SAP30BP: variants seen among roughly 807,000 people sequenced by gnomAD.
SAP30BP encodes the protein SAP30 binding protein.
Under a neutral mutation model 46.3 loss-of-function variants are expected in SAP30BP, and 31 were observed. The ratio of observed to expected loss-of-function variants is 0.67; its 90% CI spans 0.50 to 0.90. The LOEUF is 0.90. SAP30BP is among the 40% of genes least tolerant of loss of function. SAP30BP has a pLI of 0.00. For missense variants in SAP30BP, 312 were observed against 391.0 expected, an observed-to-expected ratio of 0.80 and a Z score of 1.70; for synonymous variants, 169 against 144.2, an observed-to-expected ratio of 1.17 and a Z score of -1.23.
At chr17:75,682,563 C>T (rs987908822) in intron 3 of SAP30BP, among the ~76,000 whole-genome samples, 1 of 152,114 alleles carries the variant, frequency 6.6e-6, no homozygotes, top group African/African-American at 2.4e-5. Flanking sequence ...GTTTTGCATC[C>T]AGCTTTGTCT....
intron 4 of SAP30BP, among the ~76,000 whole-genome samples, chr17:75,698,129 AG>A (rs1415186533): frequency 2.6e-5 from 4 of 152,370 alleles, no homozygotes; most frequent in Middle Eastern, 3.4e-3. Context: ...AGCGATCCAA[AG>A]CAGGACTGCA....
At position 75,699,876 on chromosome 17, in the gene SAP30BP, G is replaced by A. The variant is rs2060381089; in HGVS notation, c.396+5G>A. On this transcript the variant is annotated splice_donor_5th_base_variant and intron_variant, in intron 5 of 10. Transcript: ENST00000584667. ...AGATGTTCAAATCACTTGCAAGTAA[G>A]CATGAGACTCGGCTACTGAGGTCGG... is the stretch of plus-strand genomic sequence containing the variant. 2 of 1,606,868 alleles carry A rather than the reference G, an allele frequency of 1.2e-6. No homozygotes were observed. The highest frequency in any genetic ancestry group is 1.1e-5 in the South Asian group (1 of 90,844).
At chr17:75,672,624 A>G (rs2059923780) in intron 3 of SAP30BP, among the ~76,000 whole-genome samples, 1 of 151,822 alleles carries the variant, frequency 6.6e-6, no homozygotes, top group Non-Finnish European at 1.5e-5. Flanking sequence ...TAATTATATC[A>G]CTCTAGACCC....
At chr17:75,671,745 C>A (rs2059910714) in intron 2 of SAP30BP, 71 bp from the exon 3 acceptor site, 1 of 1,201,648 alleles carries the variant, frequency 8.3e-7, no homozygotes, top group African/African-American at 1.5e-5. Flanking sequence ...TGCTCCGGCC[C>A]CTAGTTATGC....
chr17:75,700,811 G>T (rs2060398004), intron 5 of SAP30BP, among the ~76,000 whole-genome samples: 1 of 152,240 alleles, frequency 6.6e-6, no homozygotes, highest in Non-Finnish European at 1.5e-5. Context: ...CAACCCGCCA[G>T]GCAGAGACAA....
chr17:75,668,650 G>C, intron 2 of SAP30BP, 25 bp downstream of exon 2: 1 of 1,413,820 alleles, frequency 7.1e-7, no homozygotes, highest in Non-Finnish European at 9.9e-7. Flanking sequence ...CAGATCCAGA[G>C]CTACTGAAAG....
chr17:75,689,705 T>C (rs1213255389), intron 3 of SAP30BP, among the ~76,000 whole-genome samples: 1 of 152,104 alleles, frequency 6.6e-6, no homozygotes, highest in African/African-American at 2.4e-5. Context: ...AGACAGGTGT[T>C]TCCTGTGCAT....
chr17:75,692,777 C>T (rs1367808153), intron 3 of SAP30BP: 2 of 152,634 alleles, frequency 1.3e-5, no homozygotes, highest in Non-Finnish European at 2.9e-5. Flanking sequence ...AGTATAAAGC[C>T]AGTGTAAAGG....
At chr17:75,668,705 C>A in intron 2 of SAP30BP, 80 bp downstream of exon 2, 1 of 911,902 alleles carries the variant, frequency 1.1e-6, no homozygotes, top group Non-Finnish European at 1.7e-6. Context: ...AACAGTGTTC[C>A]ATTTCATGGT....
At chr17:75,677,750 C>G (rs1002378915) in intron 3 of SAP30BP, among the ~76,000 whole-genome samples, 18 of 141,914 alleles carry the variant, frequency 1.3e-4, no homozygotes, top group African/African-American at 4.8e-4. Context: ...GGATTACACC[C>G]AGCCCTTTTT....
chr17:75,670,324 A>G (rs2059889939), intron 2 of SAP30BP, among the ~76,000 whole-genome samples: 1 of 152,150 alleles, frequency 6.6e-6, no homozygotes. Flanking sequence ...TCCATCTTAA[A>G]AAAAAAAAAA....
chr17:75,671,876 G>A lies in SAP30BP; in HGVS notation c.264+13G>A. The A allele has an allele frequency of 3.1e-6, 5 of 1,610,714 alleles. No individual in the cohort carries two copies. Among genetic ancestry groups the A allele is most frequent in the Non-Finnish European group, 3.4e-6 (4 of 1,176,920 alleles). On this transcript the variant is annotated intron_variant, in intron 3 of 10. Transcript: ENST00000584667. ...TGATGACCCAAAGGTATTTGGTGTT[G>A]GCTGTGGTGGGTGGCTGGATGCAAA...
In SAP30BP at chr17:75,707,907, G is replaced by T. The variant is rs754605979; in HGVS notation, c.*1386G>T. 2 of 152,240 alleles carry T rather than the reference G, an allele frequency of 1.3e-5. No homozygotes were observed. Among genetic ancestry groups the T allele is most frequent in the Non-Finnish European group, 2.9e-5 (2 of 68,058 alleles). 9.4% of individuals were successfully genotyped at this position (152,240 alleles called of 1,614,324 possible). On this transcript the variant is annotated 3_prime_UTR_variant, in exon 11 of 11. Coordinates refer to ENST00000584667, the MANE Select transcript of SAP30BP (RefSeq NM_013260.8). ...ACGTGGAGCCGGCACCTCTGGTCTG[G>T]ATTCCACTTAAAACCAGTTGAGTGG... is the stretch of plus-strand genomic sequence containing the variant.
chr17:75,675,212 G>T (rs923767663), intron 3 of SAP30BP, among the ~76,000 whole-genome samples: 1 of 152,086 alleles, frequency 6.6e-6, no homozygotes, highest in South Asian at 2.1e-4. Flanking sequence ...GTGCAATGGC[G>T]CAATCTCAGC....
Position 75,677,869 on chromosome 17 carries a change from G to GA in SAP30BP, c.264+6011dup, listed in dbSNP as rs199986516. ...TTGCTTGTGCAAAGGTCAACACGAT[G>GA]AAAAAGACAATGACTTAAAACGGTT... On this transcript the variant is annotated intron_variant, in intron 3 of 10. Transcript: ENST00000584667. Among the ~76,000 whole-genome samples, 43 of 150,526 alleles carry GA rather than the reference G, an allele frequency of 2.9e-4. No homozygotes were observed. In the East Asian group the frequency reaches 7.6e-3, roughly 27 times the overall value.
intron 2 of SAP30BP, among the ~76,000 whole-genome samples, chr17:75,669,579 C>T (rs1006423476): frequency 1.3e-5 from 2 of 151,946 alleles, no homozygotes; most frequent in South Asian, 4.1e-4. Flanking sequence ...TTTGTAGAGA[C>T]GTTGTTTCAC....
At chr17:75,678,923 C>T (rs1232276405) in intron 3 of SAP30BP, among the ~76,000 whole-genome samples, 5 of 151,970 alleles carry the variant, frequency 3.3e-5, no homozygotes, top group African/African-American at 4.8e-5. Context: ...TTGTGATCTC[C>T]GGCCACAAGT....
At chr17:75,690,729 G>A (rs1056555048) in intron 3 of SAP30BP, 1 of 456,734 alleles carries the variant, frequency 2.2e-6, no homozygotes, top group East Asian at 6.9e-5. Flanking sequence ...GGCCCAGCTT[G>A]TTGGACTCAG....
rs74896766 is a variant in SAP30BP, at chr17:75,670,609, A to G, written c.217-1207A>G. On this transcript the variant is annotated intron_variant, in intron 2 of 10. Transcript: ENST00000584667. ...TTTCATCATGTTTAAGCTTCATTTC[A>G]TATTTTAGTAAAATCCTCTCATCAG... Among the ~76,000 whole-genome samples the G allele has an allele frequency of 1.1e-3, 168 of 152,306 alleles. No homozygotes were observed. In the East Asian group the frequency reaches 0.021, roughly 19 times the overall value.
Sources: allele counts gnomAD v4.1 joint callset (sites outside exome capture counted in the v4.1 genomes callset), GRCh38; gene constraint gnomAD v4.1.1; transcripts MANE v1.5; gene names NCBI Gene and HGNC (gene_info 2026-07-23, HGNC 2026-07-21).